Variants in FBXO40 observed in about 807,000 individuals in gnomAD.
FBXO40 encodes the protein F-box only protein 40.
In FBXO40, 50 loss-of-function variants were observed where a neutral mutation model predicts 49.9. That is an observed-to-expected ratio of 1.00 (90% CI 0.80 to 1.27). The LOEUF (loss-of-function observed/expected upper bound fraction) is 1.27, where lower values mean the gene tolerates loss of function less well. Among genes scored for constraint, FBXO40 ranks in the 50% most tolerant of loss-of-function variants. The pLI, the probability that FBXO40 is intolerant of heterozygous loss-of-function variation, is 0.00. For missense variants in FBXO40, 895 were observed against 870.1 expected (o/e 1.03, Z -0.36); for synonymous variants, 340 against 320.2 (o/e 1.06, Z -0.66).
chr3:121,596,121 T>C (rs2048869623), intron 1 of FBXO40, among the ~76,000 whole-genome samples: 1 of 152,234 alleles, frequency 6.6e-6, no homozygotes, highest in Non-Finnish European at 1.5e-5. Context: ...ACACCTGCTA[T>C]ACGTGTTAGC....
chr3:121,594,799 T>A (rs2048863219), intron 1 of FBXO40, among the ~76,000 whole-genome samples: 1 of 152,210 alleles, frequency 6.6e-6, no homozygotes, highest in African/African-American at 2.4e-5. Context: ...TATATAGGCT[T>A]ATGCACCAAA....
chr3:121,602,451 T>C (rs1459320279), intron 1 of FBXO40, among the ~76,000 whole-genome samples: 2 of 152,242 alleles, frequency 1.3e-5, no homozygotes, highest in Admixed American at 1.3e-4. Flanking sequence ...TAGCCAACAT[T>C]CTTTCTTCCT....
rs1054116888 is a variant in FBXO40, at chr3:121,622,089, T to C, written c.660T>C (p.Asn220=). The C allele has an allele frequency of 1.1e-5, 17 of 1,613,766 alleles. No homozygotes were observed. Among genetic ancestry groups the C allele is most frequent in the Non-Finnish European group, 1.4e-5 (16 of 1,179,994 alleles). ...MDLVKFGQWE[N]IFSKEHAASA... ...TGGTCAAGTTTGGCCAGTGGGAAAA[T>C]ATTTTCAGCAAAGAGCACGCAGCCT... The change falls in exon 3 of 4, where the codon AAT becomes AAC. Residue 220 remains asparagine (N), a synonymous_variant. Coordinates refer to ENST00000338040, the MANE Select transcript of FBXO40 (RefSeq NM_016298.4).
Position 121,628,255 on chromosome 3 carries a change from C to A in FBXO40, c.*1345C>A, listed in dbSNP as rs962773468. On this transcript the variant is annotated 3_prime_UTR_variant, in exon 4 of 4. Coordinates refer to ENST00000338040, the MANE Select transcript of FBXO40 (RefSeq NM_016298.4). ...GCAATGACATGATCTCGGCTCACCG[C>A]AACCTCCGCCTCCTGGGTTCAAGCG... 2.8e-5 allele frequency: 5 copies of A among 180,958 alleles called. No homozygotes were observed. The highest frequency in any genetic ancestry group is 1.2e-4 in the Admixed American group (2 of 16,066). 11.2% of individuals were successfully genotyped at this position (180,958 alleles called of 1,614,324 possible).
chr3:121,599,924 T>C (rs1387856824), intron 1 of FBXO40, among the ~76,000 whole-genome samples: 1 of 151,800 alleles, frequency 6.6e-6, no homozygotes, highest in African/African-American at 2.4e-5. Context: ...GGTTTTTCCA[T>C]GCTGACCAAA....
intron 1 of FBXO40, among the ~76,000 whole-genome samples, chr3:121,596,288 C>T (rs926408797): frequency 6.6e-6 from 1 of 152,094 alleles, no homozygotes; most frequent in Non-Finnish European, 1.5e-5. Flanking sequence ...CAGACTCTTT[C>T]AATAAAACAT....
At chr3:121,594,344 G>A (rs1560125691) in intron 1 of FBXO40, among the ~76,000 whole-genome samples, 1 of 151,706 alleles carries the variant, frequency 6.6e-6, no homozygotes, top group Non-Finnish European at 1.5e-5. Flanking sequence ...GGGACTACAG[G>A]CCTGTGCCAC....
intron 1 of FBXO40, among the ~76,000 whole-genome samples, chr3:121,618,727 C>CTG (rs919965646): frequency 4.5e-4 from 67 of 150,114 alleles, no homozygotes; most frequent in East Asian, 2.7e-3. Flanking sequence ...TCAGCCAAAA[C>CTG]TGTGTGTGTG....
rs145138264 is a variant in FBXO40 at position 121,610,918 on chromosome 3, A to G, written c.-30-9628A>G. 4.6e-5 allele frequency among the ~76,000 whole-genome samples: 7 copies of G among 152,230 alleles called. No homozygotes were observed. In the East Asian group the frequency reaches 1.2e-3, roughly 25 times the overall value. ...GGCTGCCCAAACTTACTTCCTCTTA[A>G]TAACTCCAATTTAGGTCCCAGTCAG... On this transcript the variant is annotated intron_variant, in intron 1 of 3. Transcript: ENST00000338040.
intron 1 of FBXO40, among the ~76,000 whole-genome samples, chr3:121,611,119 C>G (rs956213130): frequency 8.5e-5 from 13 of 152,278 alleles, no homozygotes; most frequent in African/African-American, 3.1e-4. Context: ...GGGTGGCCTG[C>G]CCCTCCACAC....
At position 121,627,129 on chromosome 3, in the gene FBXO40, TTTTTC is replaced by T. The variant is rs965698766; in HGVS notation, c.*239_*243del. On this transcript the variant is annotated 3_prime_UTR_variant, in exon 4 of 4. Transcript: ENST00000338040. ...GTGCCACATTGATGACTTGTTTCCTTTTTTCTTTTCTTTTCTTTTCTTTTTTCTTT... is the reference window on the plus strand; with the variant it reads ...GTGCCACATTGATGACTTGTTTCCTTTTTTCTTTTCTTTTCTTTTTTCTTT... 261 of 548,166 alleles carry T rather than the reference TTTTTC, an allele frequency of 4.8e-4. No homozygotes were observed. The highest frequency in any genetic ancestry group is 9.5e-4 in the Admixed American group (29 of 30,610). 34.0% of individuals were successfully genotyped at this position (548,166 alleles called of 1,614,324 possible).
intron 3 of FBXO40, among the ~76,000 whole-genome samples, chr3:121,625,740 T>G (rs1161472612): frequency 6.6e-6 from 1 of 152,150 alleles, no homozygotes; most frequent in African/African-American, 2.4e-5. Context: ...CAGAAAGAAA[T>G]AAAGAAAATT....
Position 121,612,933 on chromosome 3 carries a change from G to A in FBXO40, c.-30-7613G>A, listed in dbSNP as rs1387176080. ...AAATACAAAAAAATTAGCCAGGCAT[G>A]GTGGCGGGTGCCTGCAGTCCCAGCT... On this transcript the variant is annotated intron_variant, in intron 1 of 3. Coordinates refer to ENST00000338040, the MANE Select transcript of FBXO40 (RefSeq NM_016298.4). Among the ~76,000 whole-genome samples the A allele has an allele frequency of 2.0e-5, 3 of 152,170 alleles. No homozygotes were observed. The East Asian group carries it at 5.8e-4, about 29-fold the overall frequency.
At chr3:121,594,995 T>G (rs2048863994) in intron 1 of FBXO40, among the ~76,000 whole-genome samples, 1 of 152,182 alleles carries the variant, frequency 6.6e-6, no homozygotes, top group South Asian at 2.1e-4. Flanking sequence ...ATTTTCTTGT[T>G]TTTCACTGGT....
At chr3:121,600,639 C>T (rs1055275934) in intron 1 of FBXO40, among the ~76,000 whole-genome samples, 2 of 152,184 alleles carry the variant, frequency 1.3e-5, no homozygotes, top group Non-Finnish European at 2.9e-5. Context: ...ACACCTGTGT[C>T]TCCATGGGCC....
At chr3:121,612,897 G>A (rs1053130034) in intron 1 of FBXO40, among the ~76,000 whole-genome samples, 6 of 151,866 alleles carry the variant, frequency 4.0e-5, no homozygotes, top group Admixed American at 1.3e-4. Context: ...GTGAAACCCC[G>A]TCTCTACTAA....
At chr3:121,603,204 A>G (rs888954965) in intron 1 of FBXO40, among the ~76,000 whole-genome samples, 3 of 152,148 alleles carry the variant, frequency 2.0e-5, no homozygotes, top group African/African-American at 7.2e-5. Flanking sequence ...CCTGATCCAG[A>G]CCCCAAGAGC....
intron 1 of FBXO40, among the ~76,000 whole-genome samples, chr3:121,619,900 A>G (rs1392457895): frequency 2.0e-5 from 3 of 152,178 alleles, no homozygotes; most frequent in African/African-American, 7.2e-5. Flanking sequence ...ACATTCCCAC[A>G]TGGCATCAAT....
At chr3:121,604,934 CTTTATTTATTTA>C (rs138412565) in intron 1 of FBXO40, among the ~76,000 whole-genome samples, 2,237 of 145,768 alleles carry the variant, frequency 0.015, 55 homozygotes, top group African/African-American at 0.049. Flanking sequence ...GGTTGGCTGG[CTTTATTTATTTA>C]TTTATTTATT....
Sources: gnomAD v4.1 joint callset for allele counts (sites outside exome capture counted in the v4.1 genomes callset) on GRCh38, gnomAD v4.1.1 for gene constraint, MANE v1.5 for transcripts, NCBI Gene and HGNC (gene_info 2026-07-23, HGNC 2026-07-21) for gene names.